NMT2: variants seen among roughly 807,000 people sequenced by gnomAD.
The protein encoded by NMT2 is glycylpeptide N-tetradecanoyltransferase 2.
Under a neutral mutation model 65.4 loss-of-function variants are expected in NMT2, and 35 were observed. That is an observed-to-expected ratio of 0.54 (90% CI 0.41 to 0.71). The LOEUF (loss-of-function observed/expected upper bound fraction) is 0.71. NMT2 is among the 30% of genes least tolerant of loss of function. The pLI is 0.00. For missense variants in NMT2, 489 were observed against 611.3 expected, an observed-to-expected ratio of 0.80 and a Z score of 2.11; for synonymous variants, 226 against 231.8, an observed-to-expected ratio of 0.98 and a Z score of 0.23.
chr10:15,146,824 G>A (rs545879869), intron 1 of NMT2, among the ~76,000 whole-genome samples: 27 of 152,132 alleles, frequency 1.8e-4, no homozygotes, highest in South Asian at 2.1e-4. Context: ...TGGGTGCAGC[G>A]GCTCACGCCT....
In NMT2 at chr10:15,168,420, C is replaced by T. The variant is rs748453485; in HGVS notation, c.110+83G>A. On this transcript the variant is annotated intron_variant, in intron 1 of 11. Coordinates refer to ENST00000378165, the MANE Select transcript of NMT2 (RefSeq NM_004808.3). ...CGGAGCGGCCGAAGAACCCCCAGTC[C>T]TGGGAGCCACCCCCGAACGGGAGAC... is the stretch of plus-strand genomic sequence containing the variant. 19 of 1,043,342 alleles carry T rather than the reference C, an allele frequency of 1.8e-5. No individual in the cohort carries two copies. In the Admixed American group the frequency reaches 1.9e-4, roughly 11 times the overall value. The allele number at this position is 1,043,342 out of a possible 1,614,324, so 64.6% of individuals were successfully genotyped here.
Position 15,107,850 on chromosome 10 carries a change from C to T in NMT2, c.*1345G>A, listed in dbSNP as rs1325764680. On this transcript the variant is annotated 3_prime_UTR_variant, in exon 12 of 12. Transcript: ENST00000378165. ...GCAGATTATTGGCAATATAAACACA[C>T]ATCTGTAAGCCATGAAAGTTTTTCA... The T allele has an allele frequency of 2.0e-6, 2 of 985,706 alleles. No individual in the cohort carries two copies. The highest frequency in any genetic ancestry group is 2.4e-6 in the Non-Finnish European group (2 of 829,918). The allele number at this position is 985,706 out of a possible 1,614,324, so 61.1% of individuals were successfully genotyped here.
At chr10:15,152,181 G>A (rs1832828211) in intron 1 of NMT2, among the ~76,000 whole-genome samples, 1 of 152,212 alleles carries the variant, frequency 6.6e-6, no homozygotes, top group South Asian at 2.1e-4. Flanking sequence ...AAAGTCAAAG[G>A]TCAAAGACAA....
chr10:15,138,049 C>T (rs1458192114), intron 2 of NMT2, among the ~76,000 whole-genome samples: 3 of 140,810 alleles, frequency 2.1e-5, no homozygotes, highest in African/African-American at 5.3e-5. Context: ...CTCACTCTGT[C>T]GCCCAGGCTG....
At chr10:15,128,215 C>T in intron 8 of NMT2, 135 bp downstream of exon 8, 1 of 644,610 alleles carries the variant, frequency 1.6e-6, no homozygotes, top group South Asian at 1.7e-5. Flanking sequence ...TCCCGAGTTC[C>T]ATGAAATCTC....
chr10:15,150,767 A>G (rs1042319945), intron 1 of NMT2, among the ~76,000 whole-genome samples: 1 of 152,206 alleles, frequency 6.6e-6, no homozygotes, highest in African/African-American at 2.4e-5. Context: ...AGACTAGCCA[A>G]TAATTTAAAT....
intron 8 of NMT2, among the ~76,000 whole-genome samples, chr10:15,124,390 C>T (rs1375719424): frequency 2.6e-5 from 4 of 152,232 alleles, no homozygotes; most frequent in Non-Finnish European, 4.4e-5. Context: ...AATCTGTGTT[C>T]TCATGGCCCC....
At chr10:15,145,015 A>G (rs565114398) in intron 1 of NMT2, among the ~76,000 whole-genome samples, 2 of 152,330 alleles carry the variant, frequency 1.3e-5, no homozygotes, top group South Asian at 4.1e-4. Context: ...CCATCCTCTT[A>G]TGAATGAAGA....
chr10:15,156,493 A>G (rs1833005175), intron 1 of NMT2, among the ~76,000 whole-genome samples: 1 of 152,174 alleles, frequency 6.6e-6, no homozygotes. Context: ...TACGGGGCGG[A>G]GGCTACCATA....
chr10:15,107,291 G>A lies in NMT2; in HGVS notation c.*1904C>T. On this transcript the variant is annotated 3_prime_UTR_variant, in exon 12 of 12. Coordinates refer to ENST00000378165, the MANE Select transcript of NMT2 (RefSeq NM_004808.3). ...GTGGGCTACACAAAAATAAGCAATG[G>A]GCTGGATTTAGCCCACAGGCCATAG... The A allele has an allele frequency of 1.1e-6, 1 of 938,450 alleles. No homozygotes were observed. Among genetic ancestry groups the A allele is most frequent in the Non-Finnish European group, 1.3e-6 (1 of 787,236 alleles). 58.1% of individuals were successfully genotyped at this position (938,450 alleles called of 1,614,324 possible). A position where few individuals can be genotyped will look rare whatever the true frequency, so the allele number is the denominator to read the frequency against.
intron 1 of NMT2, among the ~76,000 whole-genome samples, chr10:15,161,974 C>A (rs531358519): frequency 3.3e-4 from 50 of 152,136 alleles, no homozygotes; most frequent in African/African-American, 1.1e-3. Context: ...TACAGATCGC[C>A]GGGCACGGTG....
rs371374821 is a variant in NMT2 at position 15,111,419 on chromosome 10, G to T, written c.1338+1377C>A. 1.4e-3 allele frequency among the ~76,000 whole-genome samples: 204 copies of T among 146,390 alleles called. 1 individual carries two copies. The highest frequency in any genetic ancestry group is 4.8e-3 in the African/African-American group (191 of 39,580). ...CCAGCTACTCTGGAGGCTGAGACAAGAGAATCACTTGAACATGGGAAGCAG... is the reference window on the plus strand; with the variant it reads ...CCAGCTACTCTGGAGGCTGAGACAATAGAATCACTTGAACATGGGAAGCAG... On this transcript the variant is annotated intron_variant, in intron 10 of 11. Transcript: ENST00000378165.
At chr10:15,133,763 T>G (rs1846373903) in intron 3 of NMT2, among the ~76,000 whole-genome samples, 1 of 152,016 alleles carries the variant, frequency 6.6e-6, no homozygotes, top group African/African-American at 2.4e-5. Flanking sequence ...ATTGTAAATT[T>G]TTTTTGTAGA....
In NMT2 at chr10:15,157,923, C is replaced by T. The variant is rs545240509; in HGVS notation, c.110+10580G>A. ...AGCAACAGATTTACAGTCAGATAGA[C>T]TTAAAAGCTAAGTTTGAATTTGAGT... On this transcript the variant is annotated intron_variant, in intron 1 of 11. Coordinates refer to ENST00000378165, the MANE Select transcript of NMT2 (RefSeq NM_004808.3). 2.0e-5 allele frequency among the ~76,000 whole-genome samples: 3 copies of T among 152,256 alleles called. No homozygotes were observed. In the East Asian group the frequency reaches 5.8e-4, roughly 29 times the overall value.
In NMT2 at chr10:15,106,803, A is replaced by T; in HGVS notation, c.*2392T>A. On this transcript the variant is annotated 3_prime_UTR_variant, in exon 12 of 12. Transcript: ENST00000378165. Reference sequence around the variant, plus strand: ...TGTGAAGCAGCCATAGGCAATATGTAAATGAAAGTGGCTGTGGCCAAGAGT... The same window carrying T: ...TGTGAAGCAGCCATAGGCAATATGTTAATGAAAGTGGCTGTGGCCAAGAGT... The T allele has an allele frequency of 7.7e-6, 2 of 261,104 alleles. No individual in the cohort carries two copies. The highest frequency in any genetic ancestry group is 1.2e-5 in the Non-Finnish European group (2 of 167,848). The allele number at this position is 261,104 out of a possible 1,614,324, so 16.2% of individuals were successfully genotyped here.
intron 1 of NMT2, among the ~76,000 whole-genome samples, chr10:15,152,376 T>A (rs1488248691): frequency 6.6e-6 from 1 of 152,172 alleles, no homozygotes; most frequent in Non-Finnish European, 1.5e-5. Flanking sequence ...CACAGAGCTC[T>A]GAGAAGTTGT....
At chr10:15,144,449 A>C (rs573007246) in intron 1 of NMT2, among the ~76,000 whole-genome samples, 1 of 152,170 alleles carries the variant, frequency 6.6e-6, no homozygotes. Flanking sequence ...AGAAAAAGCC[A>C]GGCCAGGTGC....
chr10:15,163,377 A>C (rs1350972570), intron 1 of NMT2, among the ~76,000 whole-genome samples: 2 of 152,212 alleles, frequency 1.3e-5, no homozygotes, highest in Non-Finnish European at 2.9e-5. Context: ...ACAAACAAAG[A>C]TGGCAAAGTA....
chr10:15,155,046 G>A, intron 1 of NMT2: 1 of 1,255,132 alleles, frequency 8.0e-7, no homozygotes, highest in Non-Finnish European at 1.2e-6. Flanking sequence ...GCCAGGACCT[G>A]TATGCTTCAG....
Sources: allele counts gnomAD v4.1 joint callset (sites outside exome capture counted in the v4.1 genomes callset), GRCh38; gene constraint gnomAD v4.1.1; transcripts MANE v1.5; gene names NCBI Gene and HGNC (gene_info 2026-07-23, HGNC 2026-07-21).